DTNB: variants seen among roughly 807,000 people sequenced by gnomAD.
DTNB encodes dystrobrevin beta.
In DTNB, 63 loss-of-function variants were observed where a neutral mutation model predicts 90.7. That is an observed-to-expected ratio of 0.69 (90% confidence interval 0.57 to 0.86). DTNB has a LOEUF of 0.86. Ranked by LOEUF, DTNB falls within the 40% of genes least tolerant of loss-of-function variation. The pLI, the probability that DTNB is intolerant of heterozygous loss-of-function variation, is 0.00. For synonymous variants in DTNB, 277 were observed against 286.7 expected (o/e 0.97, Z 0.34); for missense variants, 744 against 807.1 (o/e 0.92, Z 0.95).
intron 8 of DTNB, among the ~76,000 whole-genome samples, chr2:25,553,455 G>T (rs2151126216): frequency 6.6e-6 from 1 of 152,090 alleles, no homozygotes; most frequent in South Asian, 2.1e-4. Flanking sequence ...CGGCTAGGTA[G>T]GGCTGGGTGC....
At chr2:25,501,693 AT>A (rs1023889633) in intron 9 of DTNB, among the ~76,000 whole-genome samples, 4 of 152,184 alleles carry the variant, frequency 2.6e-5, no homozygotes, top group Non-Finnish European at 5.9e-5. Flanking sequence ...TTTAAAGTCT[AT>A]ATTTTAGGGT....
chr2:25,448,398 A>AT (rs2058739378), intron 12 of DTNB, among the ~76,000 whole-genome samples: 1 of 152,236 alleles, frequency 6.6e-6, no homozygotes, highest in South Asian at 2.1e-4. Context: ...AAAGTAAAGA[A>AT]TTGAAAAAGG....
intron 8 of DTNB, among the ~76,000 whole-genome samples, chr2:25,556,933 G>A (rs2057458817): frequency 6.6e-6 from 1 of 152,202 alleles, no homozygotes; most frequent in Non-Finnish European, 1.5e-5. Context: ...AAGAGTCTCA[G>A]ACCAAAGACA....
chr2:25,539,487 A>G (rs2080646360), intron 8 of DTNB, among the ~76,000 whole-genome samples: 1 of 151,092 alleles, frequency 6.6e-6, no homozygotes, highest in African/African-American at 2.4e-5. Context: ...AAAAAGATTG[A>G]GCCTCTTTTC....
intron 4 of DTNB, among the ~76,000 whole-genome samples, chr2:25,618,289 G>C (rs1480333875): frequency 6.6e-6 from 1 of 152,174 alleles, no homozygotes; most frequent in Non-Finnish European, 1.5e-5. Flanking sequence ...TCAGCACCCT[G>C]ATACCGCCCG....
At chr2:25,513,694 T>C (rs1234363516) in intron 9 of DTNB, among the ~76,000 whole-genome samples, 1 of 144,286 alleles carries the variant, frequency 6.9e-6, no homozygotes, top group African/African-American at 2.6e-5. Context: ...CTGCACTTCA[T>C]CCAGCCTGGG....
chr2:25,564,624 G>A (rs896719076), intron 8 of DTNB, among the ~76,000 whole-genome samples: 6 of 151,948 alleles, frequency 3.9e-5, no homozygotes, highest in Non-Finnish European at 5.9e-5. Flanking sequence ...CTGACCTCAA[G>A]TGACCCACCC....
chr2:25,415,645 GA>G (rs1411458070), intron 16 of DTNB, among the ~76,000 whole-genome samples: 3 of 152,156 alleles, frequency 2.0e-5, no homozygotes. Context: ...GGGGAGGGGA[GA>G]GGGGCTAAAG....
At chr2:25,665,224 GC>G (rs1433518228) in intron 1 of DTNB, among the ~76,000 whole-genome samples, 3 of 152,126 alleles carry the variant, frequency 2.0e-5, no homozygotes, top group African/African-American at 7.2e-5. Context: ...TCTTAACCCT[GC>G]CAGCTCTCAG....
chr2:25,608,031 C>T (rs996063199), intron 4 of DTNB, among the ~76,000 whole-genome samples: 3 of 152,166 alleles, frequency 2.0e-5, no homozygotes, highest in Admixed American at 1.3e-4. Context: ...GGCCCCTGAC[C>T]CAAAGTGTCC....
chr2:25,574,839 C>T (rs1216938821), intron 8 of DTNB, among the ~76,000 whole-genome samples: 1 of 152,024 alleles, frequency 6.6e-6, no homozygotes, highest in Non-Finnish European at 1.5e-5. Flanking sequence ...ATTCATAAAA[C>T]AAGCTGAAAT....
intron 10 of DTNB, among the ~76,000 whole-genome samples, chr2:25,459,539 G>A (rs2060598552): frequency 6.6e-6 from 1 of 152,124 alleles, no homozygotes; most frequent in Admixed American, 6.5e-5. Context: ...TGTTGCCCAG[G>A]CTGGAGCGCA....
chr2:25,657,305 A>G (rs1234634071), intron 1 of DTNB, among the ~76,000 whole-genome samples: 3 of 152,226 alleles, frequency 2.0e-5, no homozygotes, highest in African/African-American at 7.2e-5. Context: ...AAAAATAGTT[A>G]GATTTTATCA....
Position 25,580,690 on chromosome 2 carries a change from T to C in DTNB, c.709+31A>G, listed in dbSNP as rs898330186. 6 of 1,560,144 alleles carry C rather than the reference T, an allele frequency of 3.8e-6. No individual in the cohort carries two copies. The African/African-American group carries it at 4.1e-5, about 11-fold the overall frequency. ...ATCAGTTCCTATACTTTCTATAGCA[T>C]GCGGAATTGAACAATAAAAGTTCTG... On this transcript the variant is annotated intron_variant, in intron 7 of 20. Transcript: ENST00000406818.
intron 16 of DTNB, among the ~76,000 whole-genome samples, chr2:25,407,925 TA>T (rs982006131): frequency 2.0e-5 from 3 of 151,942 alleles, no homozygotes; most frequent in African/African-American, 2.4e-5. Context: ...GCTGTTGTAA[TA>T]AAAAAAATAT....
intron 1 of DTNB, among the ~76,000 whole-genome samples, chr2:25,660,607 G>GA (rs924607683): frequency 3.3e-5 from 5 of 152,060 alleles, no homozygotes; most frequent in Admixed American, 3.3e-4. Flanking sequence ...AAGTTAAACA[G>GA]AAAAAAGATA....
chr2:25,532,245 C>CA (rs11352371), intron 8 of DTNB, among the ~76,000 whole-genome samples: 2,698 of 73,824 alleles, frequency 0.037, 79 homozygotes, highest in African/African-American at 0.092. Context: ...AACTCTGTCT[C>CA]AAAAAAAAAA....
At chr2:25,583,946 G>A (rs979492088) in intron 6 of DTNB, among the ~76,000 whole-genome samples, 1 of 151,884 alleles carries the variant, frequency 6.6e-6, no homozygotes, top group South Asian at 2.1e-4. Context: ...CATATATGAC[G>A]TTTTCCAAAA....
chr2:25,448,082 T>C (rs180965009), intron 12 of DTNB, among the ~76,000 whole-genome samples: 32 of 152,344 alleles, frequency 2.1e-4, no homozygotes, highest in African/African-American at 7.7e-4. Flanking sequence ...AGTAACACTT[T>C]CTCACAGAAG....
Sources: gnomAD v4.1 joint callset for allele counts (sites outside exome capture counted in the v4.1 genomes callset) on GRCh38, gnomAD v4.1.1 for gene constraint, MANE v1.5 for transcripts, NCBI Gene and HGNC (gene_info 2026-07-23, HGNC 2026-07-21) for gene names.